ADAMTS17: variants seen among roughly 807,000 people sequenced by gnomAD.
The protein encoded by ADAMTS17 is A disintegrin and metalloproteinase with thrombospondin motifs 17.
Under a neutral mutation model 141.5 loss-of-function variants are expected in ADAMTS17, and 113 were observed. That is an observed-to-expected ratio of 0.80 (90% CI 0.69 to 0.93). ADAMTS17 has a LOEUF of 0.93. Among genes scored for constraint, ADAMTS17 ranks in the 40% least tolerant of loss-of-function variants. The pLI, the probability that ADAMTS17 is intolerant of heterozygous loss-of-function variation, is 0.00. For missense variants in ADAMTS17, 1,659 were observed against 1,517.9 expected, an observed-to-expected ratio of 1.09 and a Z score of -1.54; for synonymous variants, 768 against 630.6, an observed-to-expected ratio of 1.22 and a Z score of -3.27.
intron 18 of ADAMTS17, among the ~76,000 whole-genome samples, chr15:100,032,225 C>T (rs141335479): frequency 0.012 from 1,900 of 152,186 alleles, 30 homozygotes; most frequent in Non-Finnish European, 0.015. Flanking sequence ...CCCTCCCAGC[C>T]CCTCCAAGCT....
intron 3 of ADAMTS17, among the ~76,000 whole-genome samples, chr15:100,300,405 C>T (rs1274648527): frequency 6.6e-6 from 1 of 152,210 alleles, no homozygotes; most frequent in Non-Finnish European, 1.5e-5. Context: ...AAACGACCTG[C>T]CCAGAAAATG....
At chr15:100,309,282 G>A (rs1344585267) in intron 3 of ADAMTS17, among the ~76,000 whole-genome samples, 2 of 152,206 alleles carry the variant, frequency 1.3e-5, no homozygotes, top group South Asian at 2.1e-4. Flanking sequence ...AGGATCGCTC[G>A]AGGAAGGTCG....
intron 18 of ADAMTS17, among the ~76,000 whole-genome samples, chr15:100,032,232 A>C (rs1445584451): frequency 6.6e-6 from 1 of 152,060 alleles, no homozygotes; most frequent in East Asian, 1.9e-4. Context: ...AGCCCCTCCA[A>C]GCTCAAGGTC....
At chr15:100,243,403 T>C (rs2042886603) in intron 7 of ADAMTS17, among the ~76,000 whole-genome samples, 1 of 152,240 alleles carries the variant, frequency 6.6e-6, no homozygotes. Flanking sequence ...CTGTTTTCCA[T>C]AGCAGATGCA....
intron 4 of ADAMTS17, among the ~76,000 whole-genome samples, chr15:100,263,674 T>C (rs1009878480): frequency 6.6e-6 from 1 of 152,178 alleles, no homozygotes; most frequent in African/African-American, 2.4e-5. Context: ...GAAAACAGGA[T>C]TGCGAGAGGT....
intron 2 of ADAMTS17, 96 bp from the exon 3 acceptor site, chr15:100,331,150 T>C: frequency 6.6e-7 from 1 of 1,518,780 alleles, no homozygotes; most frequent in East Asian, 2.4e-5. Context: ...CTTGCTGTGA[T>C]TTGGTTTTCC....
chr15:100,037,540 C>T (rs955362396), intron 18 of ADAMTS17, among the ~76,000 whole-genome samples: 7 of 151,912 alleles, frequency 4.6e-5, no homozygotes, highest in African/African-American at 1.5e-4. Flanking sequence ...CCCTGAGTAG[C>T]TGAGACTACA....
intron 10 of ADAMTS17, among the ~76,000 whole-genome samples, chr15:100,140,403 T>G (rs2038567753): frequency 6.6e-6 from 1 of 151,550 alleles, no homozygotes; most frequent in African/African-American, 2.4e-5. Flanking sequence ...AATAACACAA[T>G]TTTTTAAAAA....
chr15:100,081,323 A>C (rs951100195), intron 15 of ADAMTS17, among the ~76,000 whole-genome samples: 2 of 152,270 alleles, frequency 1.3e-5, no homozygotes, highest in East Asian at 3.9e-4. Context: ...TGTTGTGATT[A>C]CGTAAGTTAA....
intron 2 of ADAMTS17, among the ~76,000 whole-genome samples, chr15:100,331,259 G>C (rs891970175): frequency 2.6e-5 from 4 of 152,136 alleles, no homozygotes; most frequent in South Asian, 2.1e-4. Flanking sequence ...AGCTGCGTTG[G>C]GGGTAGGGGT....
intron 21 of ADAMTS17, 69 bp downstream of exon 21, chr15:99,975,976 G>A (rs767853139): frequency 9.0e-5 from 133 of 1,482,690 alleles, no homozygotes; most frequent in Middle Eastern, 5.3e-4. Context: ...GAACCTCACC[G>A]TCAGGGAGGA....
intron 3 of ADAMTS17, among the ~76,000 whole-genome samples, chr15:100,313,180 T>C (rs2045457775): frequency 1.3e-5 from 2 of 152,198 alleles, no homozygotes; most frequent in African/African-American, 4.8e-5. Context: ...TTCATGGAGC[T>C]ATAATACTAA....
intron 7 of ADAMTS17, among the ~76,000 whole-genome samples, chr15:100,245,437 C>T (rs2042957602): frequency 1.3e-5 from 2 of 152,252 alleles, no homozygotes; most frequent in African/African-American, 2.4e-5. Context: ...GCCCAAAAGG[C>T]ATTCATGCAC....
At chr15:100,309,432 C>T (rs2045332987) in intron 3 of ADAMTS17, among the ~76,000 whole-genome samples, 1 of 152,222 alleles carries the variant, frequency 6.6e-6, no homozygotes, top group Non-Finnish European at 1.5e-5. Flanking sequence ...GAACCCACTG[C>T]AACCTCGGGG....
intron 3 of ADAMTS17, chr15:100,306,458 C>T (rs1347187951): frequency 1.5e-5 from 7 of 455,878 alleles, no homozygotes; most frequent in Admixed American, 7.0e-5. Context: ...AGACGCTCCA[C>T]GTTGTTGTCC....
chr15:100,235,817 C>T (rs1488939286), intron 7 of ADAMTS17, among the ~76,000 whole-genome samples: 1 of 152,194 alleles, frequency 6.6e-6, no homozygotes, highest in African/African-American at 2.4e-5. Context: ...GGCCCTTTAC[C>T]TCATTCTATT....
chr15:100,137,432 A>G (rs1033194699), intron 10 of ADAMTS17, among the ~76,000 whole-genome samples: 1 of 152,244 alleles, frequency 6.6e-6, no homozygotes, highest in Non-Finnish European at 1.5e-5. Context: ...GTTAAGCACA[A>G]AGAAAAATAA....
chr15:100,326,818 G>T (rs980197987), intron 3 of ADAMTS17, among the ~76,000 whole-genome samples: 31 of 152,180 alleles, frequency 2.0e-4, no homozygotes, highest in Non-Finnish European at 1.5e-5. Context: ...AAGAAGGGTT[G>T]ACCTCATCCT....
intron 7 of ADAMTS17, among the ~76,000 whole-genome samples, chr15:100,244,209 C>G (rs939133182): frequency 6.6e-6 from 1 of 151,776 alleles, no homozygotes. Context: ...ACAGGAAAGA[C>G]CTGCCCCCAT....
Sources: allele counts gnomAD v4.1 joint callset (sites outside exome capture counted in the v4.1 genomes callset), GRCh38; gene constraint gnomAD v4.1.1; transcripts MANE v1.5; gene names NCBI Gene and HGNC (gene_info 2026-07-23, HGNC 2026-07-21).